Variants in ZFP1 observed in about 807,000 individuals in gnomAD.
The protein encoded by ZFP1 is zinc finger protein 1 homolog.
ZFP1 carries 32 observed loss-of-function variants against 38.5 expected under a neutral mutation model. The observed-to-expected ratio is 0.83, with a 90% CI of 0.63 to 1.12. ZFP1 has a LOEUF of 1.12. Among genes scored for constraint, ZFP1 ranks in the 50% most tolerant of loss-of-function variants. The pLI is 0.00. For synonymous variants in ZFP1, 245 were observed against 168.8 expected (o/e 1.45, Z -3.50); for missense variants, 616 against 480.8 (o/e 1.28, Z -2.63).
chr16:75,130,755 G>C, the ZFP1 span, among the ~76,000 whole-genome samples: 1 of 151,966 alleles, frequency 6.6e-6, no homozygotes, highest in Non-Finnish European at 1.5e-5. Flanking sequence ...GTTCATGCCT[G>C]CCTAGCTACC....
chr16:75,129,178 T>G, the ZFP1 span, among the ~76,000 whole-genome samples: 8 of 152,202 alleles, frequency 5.3e-5, no homozygotes, highest in African/African-American at 1.9e-4. Flanking sequence ...TGTTTGTTGT[T>G]GTTCTCCTTT....
chr16:75,139,969 A>G, the ZFP1 span, among the ~76,000 whole-genome samples: 2 of 152,214 alleles, frequency 1.3e-5, no homozygotes, highest in East Asian at 3.8e-4. Context: ...TTTTACCACA[A>G]TAAAAAAAGT....
At chr16:75,123,698 G>A in the ZFP1 span, among the ~76,000 whole-genome samples, 4 of 150,756 alleles carry the variant, frequency 2.7e-5, no homozygotes, top group Non-Finnish European at 3.0e-5. Context: ...GGCTGGTCTC[G>A]AACTCCTGAG....
intron 2 of ZFP1, among the ~76,000 whole-genome samples, chr16:75,165,446 G>T (rs1240099034): frequency 6.6e-6 from 1 of 152,118 alleles, no homozygotes; most frequent in African/African-American, 2.4e-5. Context: ...CCAGGCTCAA[G>T]TGCAGTGGGG....
rs1173406011 is a variant in ZFP1, at chr16:75,170,858, A to T, written c.*524A>T. ...ATTCCAAATGAAATGTGTAACATTT[A>T]AAGTAGCATGGAACCTACGTCTTTC... On this transcript the variant is annotated 3_prime_UTR_variant, in exon 4 of 4. Coordinates refer to ENST00000570010, the MANE Select transcript of ZFP1 (RefSeq NM_153688.4). 3.7e-5 allele frequency: 5 copies of T among 135,820 alleles called. No individual in the cohort carries two copies. Among genetic ancestry groups the T allele is most frequent in the African/African-American group, 1.3e-4 (5 of 37,906 alleles). The allele number at this position is 135,820 out of a possible 1,614,324, so 8.4% of individuals were successfully genotyped here.
the ZFP1 span, among the ~76,000 whole-genome samples, chr16:75,120,259 TCTC>T: frequency 6.6e-6 from 1 of 152,232 alleles, no homozygotes; most frequent in African/African-American, 2.4e-5. Flanking sequence ...GTTTTTTTCT[TCTC>T]AGTTGACTGA....
At chr16:75,153,596 G>C (rs570957937) in intron 2 of ZFP1, among the ~76,000 whole-genome samples, 10 of 152,256 alleles carry the variant, frequency 6.6e-5, no homozygotes, top group African/African-American at 2.2e-4. Flanking sequence ...GGGGAATGCA[G>C]TGTGTTCCCA....
chr16:75,160,477 T>C (rs1327279148), intron 2 of ZFP1, among the ~76,000 whole-genome samples: 1 of 151,756 alleles, frequency 6.6e-6, no homozygotes, highest in Non-Finnish European at 1.5e-5. Flanking sequence ...ACCCCATCTG[T>C]ACTAAACCCC....
intron 2 of ZFP1, among the ~76,000 whole-genome samples, chr16:75,157,733 T>C (rs565147542): frequency 4.0e-4 from 61 of 152,298 alleles, no homozygotes; most frequent in Non-Finnish European, 6.3e-4. Flanking sequence ...GAAATGCCCC[T>C]CTTTATCCCT....
chr16:75,128,280 T>G, the ZFP1 span, among the ~76,000 whole-genome samples: 3 of 152,198 alleles, frequency 2.0e-5, no homozygotes, highest in Non-Finnish European at 2.9e-5. Context: ...CAGTATTTGA[T>G]GGTACAAATT....
At chr16:75,154,215 C>T (rs918333250) in intron 2 of ZFP1, among the ~76,000 whole-genome samples, 1 of 85,164 alleles carries the variant, frequency 1.2e-5, no homozygotes, top group African/African-American at 3.3e-5. Context: ...CAGAGCGAGA[C>T]TTTGTCTCAA....
intron 2 of ZFP1, among the ~76,000 whole-genome samples, chr16:75,156,317 C>T (rs1482313478): frequency 3.3e-5 from 5 of 152,024 alleles, no homozygotes; most frequent in African/African-American, 1.2e-4. Context: ...ATTAGCCGGG[C>T]GTGGTAGCAT....
At chr16:75,138,781 C>A in the ZFP1 span, among the ~76,000 whole-genome samples, 1 of 152,192 alleles carries the variant, frequency 6.6e-6, no homozygotes, top group South Asian at 2.1e-4. Flanking sequence ...CTGCCCCCTG[C>A]GGCTTTCAGC....
chr16:75,161,688 A>C (rs796295581), intron 2 of ZFP1, among the ~76,000 whole-genome samples: 21 of 140,600 alleles, frequency 1.5e-4, no homozygotes, highest in African/African-American at 5.5e-4. Flanking sequence ...TTTTTCTTCC[A>C]TTATGCATGG....
intron 1 of ZFP1, among the ~76,000 whole-genome samples, chr16:75,151,024 A>AAC (rs1019513701): frequency 4.4e-4 from 66 of 151,680 alleles, no homozygotes; most frequent in African/African-American, 1.5e-3. Context: ...CACTCAGCTA[A>AAC]TTTTCTGTAT....
chr16:75,166,879 G>A lies in ZFP1; in HGVS notation c.125G>A (p.Ser42Asn). 1.2e-6 allele frequency: 2 copies of A among 1,613,962 alleles called. No homozygotes were observed. Among genetic ancestry groups the A allele is most frequent in the Non-Finnish European group, 1.7e-6 (2 of 1,179,856 alleles). ...LYMDVMLENY[S>N]NLLSVEVWKA... is the part of the protein sequence containing the mutation. ...ATGGATGTGATGCTGGAGAATTATA[G>A]CAACTTACTTTCAGTGGGTAAGGAC... is the stretch of plus-strand genomic sequence containing the variant. The change falls in exon 3 of 4, where the codon AGC (serine) becomes AAC (asparagine). Residue 42 changes from serine (S) to asparagine (N), a missense_variant. Coordinates refer to ENST00000570010, the MANE Select transcript of ZFP1 (RefSeq NM_153688.4).
chr16:75,125,701 A>G, the ZFP1 span, among the ~76,000 whole-genome samples: 3 of 151,800 alleles, frequency 2.0e-5, no homozygotes, highest in Non-Finnish European at 2.9e-5. Flanking sequence ...AATTGGCTTC[A>G]TGTTGTTTTT....
the ZFP1 span, among the ~76,000 whole-genome samples, chr16:75,127,418 G>C: frequency 1.3e-5 from 2 of 152,134 alleles, no homozygotes; most frequent in African/African-American, 2.4e-5. Context: ...TGAGCATGAA[G>C]AGGGAAGCAT....
chr16:75,147,455 T>TA (rs1446580629), upstream of ZFP1, among the ~76,000 whole-genome samples: 1 of 150,222 alleles, frequency 6.7e-6, no homozygotes, highest in Non-Finnish European at 1.5e-5. Flanking sequence ...TTTTTGTATT[T>TA]TTTTTTTTTT....
Sources: allele counts gnomAD v4.1 joint callset (sites outside exome capture counted in the v4.1 genomes callset), GRCh38; gene constraint gnomAD v4.1.1; transcripts MANE v1.5; gene names NCBI Gene and HGNC (gene_info 2026-07-23, HGNC 2026-07-21).